MCTP1: variants seen among roughly 807,000 people sequenced by gnomAD.
The protein encoded by MCTP1 is multiple C2 and transmembrane domain-containing protein 1.
A neutral mutation model predicts 120.6 loss-of-function variants in MCTP1; 69 were observed. That is an observed-to-expected ratio of 0.57 (90% CI 0.47 to 0.70). The LOEUF (loss-of-function observed/expected upper bound fraction) is 0.70, where lower values mean the gene tolerates loss of function less well. Among genes scored for constraint, MCTP1 ranks in the 30% least tolerant of loss-of-function variants. The pLI is 0.00. For missense variants in MCTP1, 1,203 were observed against 1,248.8 expected (o/e 0.96, Z 0.55); for synonymous variants, 529 against 493.1 (o/e 1.07, Z -0.96).
intron 1 of MCTP1, among the ~76,000 whole-genome samples, chr5:95,187,055 A>C (rs1743662758): frequency 6.6e-6 from 1 of 152,218 alleles, no homozygotes; most frequent in South Asian, 2.1e-4. Context: ...TGCTTAAAAA[A>C]CTAAAAATAA....
At chr5:95,181,578 TAC>T (rs1284481438) in intron 1 of MCTP1, among the ~76,000 whole-genome samples, 1 of 151,942 alleles carries the variant, frequency 6.6e-6, no homozygotes, top group African/African-American at 2.4e-5. Flanking sequence ...CCATTATAAG[TAC>T]ACACACACAT....
At chr5:95,040,178 G>A (rs1459244134) in intron 1 of MCTP1, among the ~76,000 whole-genome samples, 2 of 152,150 alleles carry the variant, frequency 1.3e-5, no homozygotes, top group Non-Finnish European at 2.9e-5. Flanking sequence ...GCTCATGCCT[G>A]TAATCCTGGC....
At chr5:94,828,564 T>TC (rs1224873741) in intron 17 of MCTP1, among the ~76,000 whole-genome samples, 1 of 152,158 alleles carries the variant, frequency 6.6e-6, no homozygotes, top group Non-Finnish European at 1.5e-5. Flanking sequence ...AGTCGCCCCT[T>TC]CCCCCAGGTG....
intron 17 of MCTP1, among the ~76,000 whole-genome samples, chr5:94,832,943 C>T (rs1278571470): frequency 1.3e-5 from 2 of 152,208 alleles, no homozygotes; most frequent in African/African-American, 4.8e-5. Flanking sequence ...TACCCTACAA[C>T]AGGGTGGGTA....
chr5:94,865,892 T>A (rs1282065714), intron 17 of MCTP1, among the ~76,000 whole-genome samples: 2 of 151,974 alleles, frequency 1.3e-5, no homozygotes, highest in African/African-American at 4.8e-5. Flanking sequence ...TGAAATTCGC[T>A]AATGCATGTA....
In MCTP1 at chr5:94,892,400, AG is replaced by A. The variant is rs533611973; in HGVS notation, c.1839+2248del. Among the ~76,000 whole-genome samples, 15 of 152,334 alleles carry A rather than the reference AG, an allele frequency of 9.8e-5. 1 individual carries two copies. The East Asian group carries it at 2.9e-3, about 29-fold the overall frequency. ...CTCCTCTGGTTTTTAAACTGTGACAAGGGGGAGCAAGGGTTCAGCATACCCG... is the reference window on the plus strand; with the variant it reads ...CTCCTCTGGTTTTTAAACTGTGACAAGGGGAGCAAGGGTTCAGCATACCCG... On this transcript the variant is annotated intron_variant, in intron 11 of 22. Coordinates refer to ENST00000515393, the MANE Select transcript of MCTP1 (RefSeq NM_024717.7).
intron 17 of MCTP1, among the ~76,000 whole-genome samples, chr5:94,804,512 C>T (rs931813414): frequency 3.9e-5 from 6 of 152,094 alleles, no homozygotes; most frequent in African/African-American, 1.4e-4. Context: ...GATGTCGGCT[C>T]ACTGCAAGCT....
At chr5:94,709,465 G>C (rs994386378) in intron 21 of MCTP1, 1 of 152,100 alleles carries the variant, frequency 6.6e-6, no homozygotes, top group Non-Finnish European at 1.5e-5. Flanking sequence ...TCCAGTTTCT[G>C]TAAACCTGGG....
chr5:95,146,495 T>C (rs534515447), intron 1 of MCTP1, among the ~76,000 whole-genome samples: 9 of 152,324 alleles, frequency 5.9e-5, no homozygotes, highest in African/African-American at 2.2e-4. Flanking sequence ...TTGAAATCTT[T>C]CTAACTTCTT....
intron 14 of MCTP1, 55 bp downstream of exon 14, chr5:94,871,260 T>C (rs1055927120): frequency 7.3e-6 from 8 of 1,099,356 alleles, no homozygotes; most frequent in East Asian, 4.7e-5. Context: ...TTCTTTTTTT[T>C]TTTTTCCGTG....
chr5:95,284,064 T>C lies in MCTP1; in HGVS notation c.512A>G (p.Gln171Arg), dbSNP rs1309674186. The C allele has an allele frequency of 1.9e-6, 3 of 1,540,464 alleles. No homozygotes were observed. The highest frequency in any genetic ancestry group is 2.4e-5 in the South Asian group (2 of 82,914). Residue 171 changes from glutamine (Q) to arginine (R), a missense_variant, in exon 1 of 23, where the codon CAG becomes CGG. Coordinates refer to ENST00000515393, the MANE Select transcript of MCTP1 (RefSeq NM_024717.7). The surrounding 1 kb of genome is among the most constrained non-coding windows in gnomAD (Gnocchi z 5.2). ...GGCGCGGTCCCCCCTCGGGGGAGGC[T>C]GGGGCGAGGAGGACAGGGAGGATGA... The part of the protein sequence containing the change: ...SASSSLSSSP[Q>R]PPPRGDRARD...
chr5:95,031,505 C>T (rs551346391), intron 1 of MCTP1, among the ~76,000 whole-genome samples: 1 of 152,164 alleles, frequency 6.6e-6, no homozygotes, highest in East Asian at 1.9e-4. Context: ...GAGAAAAATG[C>T]CAGCCAAGAA....
chr5:95,220,482 T>C (rs1753567819), intron 1 of MCTP1, among the ~76,000 whole-genome samples: 1 of 152,198 alleles, frequency 6.6e-6, no homozygotes. Flanking sequence ...ATCTTTTGTT[T>C]CTCCTTCTTC....
At chr5:94,784,743 A>G (rs1403074989) in intron 18 of MCTP1, 1 of 151,958 alleles carries the variant, frequency 6.6e-6, no homozygotes, top group Non-Finnish European at 1.5e-5. Context: ...ATGTAATAAT[A>G]ATTAGTGTGA....
At chr5:95,068,636 C>G in intron 1 of MCTP1, 1 of 340,500 alleles carries the variant, frequency 2.9e-6, no homozygotes, top group South Asian at 2.6e-5. Context: ...ACTTAGTTCA[C>G]TTCCATTTCC....
intron 1 of MCTP1, among the ~76,000 whole-genome samples, chr5:95,101,242 A>G (rs1392863192): frequency 6.6e-6 from 1 of 152,244 alleles, no homozygotes; most frequent in East Asian, 1.9e-4. Flanking sequence ...TAAAATATAA[A>G]CAAAAGATTC....
intron 1 of MCTP1, among the ~76,000 whole-genome samples, chr5:95,070,433 T>C (rs938448227): frequency 2.0e-5 from 3 of 152,234 alleles, no homozygotes; most frequent in Non-Finnish European, 1.5e-5. Flanking sequence ...GGGATACCTT[T>C]AGGGACCTCC....
At chr5:95,020,097 A>G (rs927672878) in intron 1 of MCTP1, among the ~76,000 whole-genome samples, 6 of 152,084 alleles carry the variant, frequency 3.9e-5, no homozygotes, top group Admixed American at 1.3e-4. Flanking sequence ...TCTGCAGGAA[A>G]AGGAGAATTT....
Position 94,721,844 on chromosome 5 carries a change from G to T in MCTP1, c.2611-6958C>A, listed in dbSNP as rs202119889. On this transcript the variant is annotated intron_variant, in intron 19 of 22. Transcript: ENST00000515393. ...CCAGTCTTGGTAGTGACACTGTTTT[G>T]TTTTTTTTTTTTTAATGCATTATTA... Among the ~76,000 whole-genome samples the T allele has an allele frequency of 3.0e-3, 404 of 134,764 alleles. 1 individual carries two copies. Among genetic ancestry groups the T allele is most frequent in the African/African-American group, 6.6e-3 (236 of 35,988 alleles). 88.4% of individuals were successfully genotyped at this position (134,764 alleles called of 152,430 possible).
Sources: gnomAD v4.1 joint callset for allele counts (sites outside exome capture counted in the v4.1 genomes callset) on GRCh38, gnomAD v4.1.1 for gene constraint, Gnocchi (gnomAD v3.1) non-coding constraint, MANE v1.5 for transcripts, NCBI Gene and HGNC (gene_info 2026-07-23, HGNC 2026-07-21) for gene names.